Variants in FOXO1 observed in about 807,000 individuals in gnomAD.
FOXO1 encodes the protein forkhead box O1, also known as forkhead box protein O1.
FOXO1 carries 6 observed loss-of-function variants against 44.1 expected under a neutral mutation model. That is an observed-to-expected ratio of 0.14 (90% CI 0.07 to 0.27). The LOEUF (loss-of-function observed/expected upper bound fraction) is 0.27, where lower values mean the gene tolerates loss of function less well. Ranked by LOEUF, FOXO1 falls within the 10% of genes least tolerant of loss-of-function variation. The pLI is 1.00. For missense variants in FOXO1, 737 were observed against 888.8 expected, an observed-to-expected ratio of 0.83 and a Z score of 2.17; for synonymous variants, 380 against 362.7, an observed-to-expected ratio of 1.05 and a Z score of -0.54.
rs1013053462 is a variant in FOXO1 at position 40,584,163 on chromosome 13, AT to A, written c.631-23304del. Among the ~76,000 whole-genome samples, 3 of 152,036 alleles carry A rather than the reference AT, an allele frequency of 2.0e-5. No homozygotes were observed. In the South Asian group the frequency reaches 6.3e-4, roughly 32 times the overall value. On this transcript the variant is annotated intron_variant, in intron 1 of 2. Coordinates refer to ENST00000379561, the MANE Select transcript of FOXO1 (RefSeq NM_002015.4). ...TTTGCAGTCTTATATGGGTATTAGA[AT>A]TTTTTTTAATAAAAAGCTCCTCAAG...
At chr13:40,653,692 AGAGGTTCCCTCCCTTTCCT>A (rs1009906138) in intron 1 of FOXO1, among the ~76,000 whole-genome samples, 4 of 152,328 alleles carry the variant, frequency 2.6e-5, no homozygotes, top group Non-Finnish European at 4.4e-5. Context: ...ATACAACCAC[AGAGGTTCCCTCCCTTTCCT>A]GATGCCAGGT....
intron 1 of FOXO1, among the ~76,000 whole-genome samples, chr13:40,584,803 A>G (rs1875095677): frequency 6.6e-6 from 1 of 152,176 alleles, no homozygotes; most frequent in Non-Finnish European, 1.5e-5. Flanking sequence ...CCTCCAGTCT[A>G]ATGGTCCGAC....
chr13:40,651,931 T>TCA (rs1174626525), intron 1 of FOXO1, among the ~76,000 whole-genome samples: 1 of 152,046 alleles, frequency 6.6e-6, no homozygotes, highest in Non-Finnish European at 1.5e-5. Flanking sequence ...AGAGACCAAT[T>TCA]CAGTCATACA....
intron 1 of FOXO1, among the ~76,000 whole-genome samples, chr13:40,636,568 C>T (rs1190948302): frequency 1.4e-5 from 2 of 142,176 alleles, no homozygotes; most frequent in African/African-American, 2.7e-5. Context: ...GTTGCCCAGG[C>T]TGGAGTGCAG....
chr13:40,580,736 CAT>C (rs1381663021), intron 1 of FOXO1, among the ~76,000 whole-genome samples: 12 of 152,184 alleles, frequency 7.9e-5, no homozygotes, highest in Non-Finnish European at 1.3e-4. Flanking sequence ...AAGCAAAACA[CAT>C]AGAGGACACT....
chr13:40,629,504 C>T (rs945782149), intron 1 of FOXO1, among the ~76,000 whole-genome samples: 1 of 152,186 alleles, frequency 6.6e-6, no homozygotes, highest in Admixed American at 6.5e-5. Context: ...CAAGTGCAGA[C>T]TGACTATCCC....
At chr13:40,650,106 T>C (rs1052632896) in intron 1 of FOXO1, among the ~76,000 whole-genome samples, 5 of 152,058 alleles carry the variant, frequency 3.3e-5, no homozygotes, top group African/African-American at 9.7e-5. Context: ...TTCTTGATGA[T>C]ATGCTAAACG....
chr13:40,579,586 T>C (rs191273755), intron 1 of FOXO1, among the ~76,000 whole-genome samples: 234 of 151,990 alleles, frequency 1.5e-3, no homozygotes, highest in African/African-American at 5.4e-3. Flanking sequence ...GATTCTGAAG[T>C]TGACTGCTGA....
At chr13:40,566,772 T>G (rs1874285313) in intron 1 of FOXO1, among the ~76,000 whole-genome samples, 1 of 152,226 alleles carries the variant, frequency 6.6e-6, no homozygotes, top group South Asian at 2.1e-4. Flanking sequence ...AACAAATACA[T>G]GTTTTATCAA....
chr13:40,649,507 CAT>C, intron 1 of FOXO1, among the ~76,000 whole-genome samples: 1 of 152,220 alleles, frequency 6.6e-6, no homozygotes, highest in Admixed American at 6.5e-5. Context: ...GTCTAAGAAA[CAT>C]AACCATCAAC....
intron 1 of FOXO1, chr13:40,611,051 GAAA>G (rs1220265703): frequency 6.6e-6 from 3 of 456,200 alleles, no homozygotes; most frequent in Non-Finnish European, 1.3e-5. Flanking sequence ...AACGTGAGGA[GAAA>G]AGTTGTATCT....
chr13:40,665,188 C>G (rs1359165922), intron 1 of FOXO1, among the ~76,000 whole-genome samples: 1 of 151,912 alleles, frequency 6.6e-6, no homozygotes, highest in African/African-American at 2.4e-5. Context: ...CCGGAGAGAA[C>G]CCGCCCTCCC....
At chr13:40,621,707 G>A (rs574423950) in intron 1 of FOXO1, among the ~76,000 whole-genome samples, 1 of 152,246 alleles carries the variant, frequency 6.6e-6, no homozygotes, top group South Asian at 2.1e-4. Flanking sequence ...TTACTTTCAA[G>A]TTTCATAGGC....
At chr13:40,619,143 CG>C (rs1401601494) in intron 1 of FOXO1, 4 of 354,996 alleles carry the variant, frequency 1.1e-5, no homozygotes, top group Non-Finnish European at 2.2e-5. Context: ...AAAAATTAGC[CG>C]GGTGTGGTGG....
intron 1 of FOXO1, chr13:40,620,478 A>T (rs1876573086): frequency 1.7e-6 from 1 of 576,852 alleles, no homozygotes; most frequent in Admixed American, 2.5e-5. Flanking sequence ...CTTAAGGCAG[A>T]TTATGACTGG....
chr13:40,563,954 T>C (rs1274890575), intron 1 of FOXO1, among the ~76,000 whole-genome samples: 5 of 152,354 alleles, frequency 3.3e-5, no homozygotes, highest in South Asian at 4.1e-4. Context: ...TATTCCATCA[T>C]GACAGTTTTG....
chr13:40,619,550 A>G, intron 1 of FOXO1: 1 of 1,397,974 alleles, frequency 7.2e-7, no homozygotes. Flanking sequence ...CATGGAGATT[A>G]TACAAACATT....
intron 1 of FOXO1, among the ~76,000 whole-genome samples, chr13:40,581,239 G>C (rs1057432422): frequency 3.3e-5 from 5 of 152,126 alleles, no homozygotes; most frequent in Non-Finnish European, 1.5e-5. Context: ...AAAGGGGAGC[G>C]AGCACAAACA....
At chr13:40,567,955 A>G (rs2701862) in intron 1 of FOXO1, among the ~76,000 whole-genome samples, 57,792 of 151,748 alleles carry the variant, frequency 0.38, 12,743 homozygotes, top group East Asian at 0.73. Context: ...GCAACAGAGC[A>G]AGACTCCGTC....
Sources: allele counts gnomAD v4.1 joint callset (sites outside exome capture counted in the v4.1 genomes callset), GRCh38; gene constraint gnomAD v4.1.1; transcripts MANE v1.5; gene names NCBI Gene and HGNC (gene_info 2026-07-23, HGNC 2026-07-21).